EPHA3: variants seen among roughly 807,000 people sequenced by gnomAD.
EPHA3 encodes EPH receptor A3.
In EPHA3, 42 loss-of-function variants were observed where a neutral mutation model predicts 107.1. That is an observed-to-expected ratio of 0.39 (90% CI 0.31 to 0.51). The LOEUF (loss-of-function observed/expected upper bound fraction) is 0.51, where lower values mean the gene tolerates loss of function less well. Among genes scored for constraint, EPHA3 ranks in the 20% least tolerant of loss-of-function variants. The pLI is 0.78. For synonymous variants in EPHA3, 461 were observed against 424.8 expected (o/e 1.09, Z -1.05); for missense variants, 1,183 against 1,211.2 (o/e 0.98, Z 0.35).
At chr3:89,399,568 T>C in intron 7 of EPHA3, 88 bp downstream of exon 7, 1 of 1,547,272 alleles carries the variant, frequency 6.5e-7, no homozygotes, top group Non-Finnish European at 8.8e-7. Flanking sequence ...TTCTAAGTTT[T>C]AAACAAATGT....
chr3:89,191,446 A>C (rs1305608780), intron 2 of EPHA3, among the ~76,000 whole-genome samples: 1 of 151,950 alleles, frequency 6.6e-6, no homozygotes, highest in Non-Finnish European at 1.5e-5. Context: ...AGCTGGGACT[A>C]CAGGCGCCCG....
At chr3:89,347,683 G>C (rs1029420336) in intron 5 of EPHA3, among the ~76,000 whole-genome samples, 2 of 150,632 alleles carry the variant, frequency 1.3e-5, no homozygotes, top group Non-Finnish European at 3.0e-5. Flanking sequence ...GGGCATCCCT[G>C]TCTTGTGCCA....
intron 3 of EPHA3, among the ~76,000 whole-genome samples, chr3:89,236,613 G>A (rs1704769840): frequency 6.7e-6 from 1 of 149,718 alleles, no homozygotes; most frequent in South Asian, 2.2e-4. Context: ...GATAGCATTG[G>A]GAGATATACC....
intron 13 of EPHA3, among the ~76,000 whole-genome samples, chr3:89,437,017 C>T (rs1320012241): frequency 6.6e-6 from 1 of 152,012 alleles, no homozygotes; most frequent in Non-Finnish European, 1.5e-5. Context: ...ATTATGCATC[C>T]TGTAAAACTC....
At chr3:89,450,106 C>G (rs1222383888) in intron 14 of EPHA3, 71 bp from the exon 15 acceptor site, 6 of 1,284,854 alleles carry the variant, frequency 4.7e-6, no homozygotes, top group Non-Finnish European at 6.4e-6. Flanking sequence ...TGAGCCCCGC[C>G]CATGAAAACG....
At chr3:89,358,577 TG>T (rs1708017753) in intron 5 of EPHA3, among the ~76,000 whole-genome samples, 1 of 151,040 alleles carries the variant, frequency 6.6e-6, no homozygotes, top group East Asian at 1.9e-4. Context: ...TGAAGTTGAT[TG>T]GTTTGGCCAA....
chr3:89,208,096 G>A (rs1002232246), intron 2 of EPHA3, among the ~76,000 whole-genome samples: 2 of 152,032 alleles, frequency 1.3e-5, no homozygotes, highest in African/African-American at 4.8e-5. Context: ...TATTCCAGAT[G>A]GGCACAGTGG....
At chr3:89,169,947 A>C (rs552917515) in intron 2 of EPHA3, among the ~76,000 whole-genome samples, 1 of 152,114 alleles carries the variant, frequency 6.6e-6, no homozygotes, top group African/African-American at 2.4e-5. Flanking sequence ...AACAAACTCT[A>C]ATATTGAGAT....
At chr3:89,432,227 A>G (rs1346152552) in intron 13 of EPHA3, among the ~76,000 whole-genome samples, 1 of 152,306 alleles carries the variant, frequency 6.6e-6, no homozygotes, top group Admixed American at 6.5e-5. Context: ...ATATTTTAAA[A>G]GCACACTTTA....
chr3:89,300,404 T>C (rs1693410868), intron 3 of EPHA3, among the ~76,000 whole-genome samples: 2 of 151,948 alleles, frequency 1.3e-5, no homozygotes, highest in Non-Finnish European at 2.9e-5. Flanking sequence ...GTTTGATATA[T>C]TGACAATGCT....
At chr3:89,323,159 T>G (rs1707082289) in intron 3 of EPHA3, among the ~76,000 whole-genome samples, 1 of 152,138 alleles carries the variant, frequency 6.6e-6, no homozygotes, top group South Asian at 2.1e-4. Context: ...CACATCTACC[T>G]ATGTTGCAGA....
intron 10 of EPHA3, among the ~76,000 whole-genome samples, chr3:89,415,711 C>T (rs1464590960): frequency 2.3e-4 from 35 of 151,198 alleles, no homozygotes; most frequent in Admixed American, 2.3e-3. Context: ...ATTCTTTCAA[C>T]GATTGAATAC....
At chr3:89,329,069 C>T (rs191247582) in intron 3 of EPHA3, among the ~76,000 whole-genome samples, 1 of 152,200 alleles carries the variant, frequency 6.6e-6, no homozygotes, top group East Asian at 1.9e-4. Context: ...AAAAAGGACA[C>T]AATTATCCTG....
rs1351681711 is a variant in EPHA3 at position 89,449,332 on chromosome 3, G to A, written c.2454G>A (p.Met818Ile). Residue 818 changes from methionine to isoleucine, a missense_variant, in exon 14 of 17, where the codon ATG (methionine) becomes ATA (isoleucine). By Grantham distance (10) the Met-to-Ile change is conservative. Transcript: ENST00000336596. ...WSYGIVLWEV[M>I]SYGERPYWEM... ...ATGGGATTGTTCTCTGGGAGGTGAT[G>A]TCTTATGGAGAGAGACCATACTGGG... The A allele has an allele frequency of 1.2e-6, 2 of 1,606,136 alleles. No individual in the cohort carries two copies. The highest frequency in any genetic ancestry group is 3.3e-5 in the Admixed American group (2 of 59,924).
At chr3:89,432,995 G>A (rs1033384063) in intron 13 of EPHA3, among the ~76,000 whole-genome samples, 4 of 151,544 alleles carry the variant, frequency 2.6e-5, no homozygotes, top group African/African-American at 9.7e-5. Flanking sequence ...CTATTAATTG[G>A]GCAGAATTAC....
intron 2 of EPHA3, among the ~76,000 whole-genome samples, chr3:89,194,866 T>C (rs1476017792): frequency 1.3e-5 from 2 of 152,032 alleles, no homozygotes; most frequent in African/African-American, 4.8e-5. Context: ...GTATATACCA[T>C]GCCGAACTTG....
chr3:89,234,767 C>T, intron 3 of EPHA3, among the ~76,000 whole-genome samples: 1 of 145,916 alleles, frequency 6.9e-6, no homozygotes, highest in Non-Finnish European at 1.5e-5. Flanking sequence ...TCCCTTCCTT[C>T]CTCCCTCTCT....
intron 2 of EPHA3, among the ~76,000 whole-genome samples, chr3:89,149,999 G>A (rs748075727): frequency 5.9e-5 from 9 of 151,894 alleles, no homozygotes; most frequent in African/African-American, 1.9e-4. Context: ...TTGTTCTCAG[G>A]TACCACTAAA....
At chr3:89,468,960 G>A (rs181437330) in intron 15 of EPHA3, among the ~76,000 whole-genome samples, 42 of 152,032 alleles carry the variant, frequency 2.8e-4, no homozygotes, top group Admixed American at 1.1e-3. Flanking sequence ...TCATAAAGTC[G>A]TTTGCATATA....
Sources: gnomAD v4.1 joint callset for allele counts (sites outside exome capture counted in the v4.1 genomes callset) on GRCh38, gnomAD v4.1.1 for gene constraint, MANE v1.5 for transcripts, NCBI Gene and HGNC (gene_info 2026-07-23, HGNC 2026-07-21) for gene names.